PCDHGA11: variants seen among roughly 807,000 people sequenced by gnomAD.
PCDHGA11 encodes the protein protocadherin gamma-A11.
A neutral mutation model predicts 60.4 loss-of-function variants in PCDHGA11; 39 were observed. The observed-to-expected ratio is 0.65, with a 90% CI of 0.50 to 0.84. The LOEUF (loss-of-function observed/expected upper bound fraction) is 0.84. PCDHGA11 is among the 40% of genes least tolerant of loss of function. The probability of loss-of-function intolerance (pLI) is 0.00; values close to 1 mark genes in which losing one functional copy is unlikely to be tolerated. For synonymous variants in PCDHGA11, 533 were observed against 510.3 expected (o/e 1.04, Z -0.60); for missense variants, 1,165 against 1,197.7 (o/e 0.97, Z 0.40).
intron 1 of PCDHGA11, chr5:141,428,086 G>C: frequency 1.9e-6 from 3 of 1,609,122 alleles, no homozygotes; most frequent in Non-Finnish European, 1.7e-6. Context: ...CACAACGCTT[G>C]GCTGTCCTAC....
intron 1 of PCDHGA11, chr5:141,441,780 C>A: frequency 2.6e-6 from 1 of 391,236 alleles, no homozygotes. Flanking sequence ...GGTGGACGAC[C>A]TGAATGACAA....
rs774983500 is a variant in PCDHGA11 at position 141,490,973 on chromosome 5, G to T, written c.2434-3834G>T. ...GACTGGGAACACTCAGCCCCCCAGC[G>T]TCTCCCTCGCTCTGCTCCTCCTGGC... On this transcript the variant is annotated intron_variant, in intron 1 of 3. Transcript: ENST00000398587. The surrounding 1 kb of genome is among the most constrained non-coding windows in gnomAD (Gnocchi z 5.4). 1 of 1,613,932 alleles carries T rather than the reference G, an allele frequency of 6.2e-7. No individual in the cohort carries two copies. The highest frequency in any genetic ancestry group is 1.3e-5 in the African/African-American group (1 of 75,040).
intron 1 of PCDHGA11, chr5:141,424,304 C>T (rs909355692): frequency 2.0e-5 from 3 of 152,464 alleles, no homozygotes; most frequent in Admixed American, 2.0e-4. Flanking sequence ...CCTATCAACA[C>T]AGACATATTG....
At position 141,433,290 on chromosome 5, in the gene PCDHGA11, C is replaced by T. The variant is rs186668064; in HGVS notation, c.2433+9630C>T. ...CTCACTGCAGCCTCAAACTCCTAGG[C>T]TCAAGCAATTATCCCACCTTTGCCT... On this transcript the variant is annotated intron_variant, in intron 1 of 3. Transcript: ENST00000398587. The T allele has an allele frequency of 1.6e-3, 1,738 of 1,107,746 alleles. 60 individuals carry two copies. In the Admixed American group the frequency reaches 0.041, roughly 26 times the overall value. 68.6% of individuals were successfully genotyped at this position (1,107,746 alleles called of 1,614,324 possible). A position where few individuals can be genotyped will look rare whatever the true frequency, so the allele number is the denominator to read the frequency against.
chr5:141,427,199 A>G (rs900332017), intron 1 of PCDHGA11: 5 of 456,766 alleles, frequency 1.1e-5, no homozygotes, highest in Non-Finnish European at 2.2e-5. Context: ...AAGACTTAAT[A>G]GACTTCGAAT....
chr5:141,445,621 G>A (rs1216813961), intron 1 of PCDHGA11, among the ~76,000 whole-genome samples: 4 of 151,996 alleles, frequency 2.6e-5, no homozygotes, highest in African/African-American at 7.2e-5. Flanking sequence ...TCTTTTTTTC[G>A]GAAAGTGATA....
chr5:141,426,909 G>A (rs1293364217), intron 1 of PCDHGA11: 1 of 456,744 alleles, frequency 2.2e-6, no homozygotes, highest in Non-Finnish European at 4.4e-6. Flanking sequence ...TCATCTCCTG[G>A]TCCTGGAAGC....
chr5:141,462,393 C>A (rs1465154354), intron 1 of PCDHGA11, among the ~76,000 whole-genome samples: 4 of 152,062 alleles, frequency 2.6e-5, no homozygotes, highest in African/African-American at 9.7e-5. Flanking sequence ...GTTAACATTT[C>A]TTTTATGGCA....
chr5:141,437,388 C>T (rs1434464979), intron 1 of PCDHGA11, among the ~76,000 whole-genome samples: 1 of 152,186 alleles, frequency 6.6e-6, no homozygotes, highest in Non-Finnish European at 1.5e-5. Context: ...AGACATTCAT[C>T]CACTGCTTTC....
In PCDHGA11 at chr5:141,490,490, C is replaced by A. The variant is rs886264588; in HGVS notation, c.2434-4317C>A. The A allele has an allele frequency of 1.2e-6, 2 of 1,614,184 alleles. No individual in the cohort carries two copies. Among genetic ancestry groups the A allele is most frequent in the Non-Finnish European group, 1.7e-6 (2 of 1,180,028 alleles). ...AGCCAGCCTTTGGACCGGGAGGCCA[C>A]ATCCCACTATATCATCGAGCTGCTG... On this transcript the variant is annotated intron_variant, in intron 1 of 3. Transcript: ENST00000398587. The surrounding 1 kb of genome is among the most constrained non-coding windows in gnomAD (Gnocchi z 5.4).
At chr5:141,455,160 GT>G (rs59530096) in intron 1 of PCDHGA11, among the ~76,000 whole-genome samples, 102 of 149,212 alleles carry the variant, frequency 6.8e-4, no homozygotes, top group East Asian at 7.9e-4. Flanking sequence ...TAGTTTGTTG[GT>G]TTTTTTTTTA....
intron 1 of PCDHGA11, among the ~76,000 whole-genome samples, chr5:141,445,318 G>T (rs182520609): frequency 2.0e-4 from 30 of 152,306 alleles, no homozygotes; most frequent in African/African-American, 7.2e-4. Context: ...TAGGTTGAGA[G>T]AACCCATCCA....
chr5:141,436,635 A>G (rs953396225), intron 1 of PCDHGA11, among the ~76,000 whole-genome samples: 8 of 152,184 alleles, frequency 5.3e-5, no homozygotes, highest in African/African-American at 1.9e-4. Context: ...ACAACATGCA[A>G]TTAATTAACA....
At chr5:141,502,480 AC>A (rs145333712) in intron 2 of PCDHGA11, among the ~76,000 whole-genome samples, 7,822 of 152,242 alleles carry the variant, frequency 0.051, 439 homozygotes, top group African/African-American at 0.14. Flanking sequence ...GCAGCATCAC[AC>A]TGGGACTCAT....
In PCDHGA11 at chr5:141,432,598, G is replaced by A; in HGVS notation, c.2433+8938G>A. The A allele has an allele frequency of 6.2e-7, 1 of 1,613,920 alleles. No individual in the cohort carries two copies. The highest frequency in any genetic ancestry group is 8.5e-7 in the Non-Finnish European group (1 of 1,179,972). On this transcript the variant is annotated intron_variant, in intron 1 of 3. Transcript: ENST00000398587. The surrounding 1 kb of genome is among the most constrained non-coding windows in gnomAD (Gnocchi z 6.0). ...CCTACCGTCTGCTCAAGGCCAGCGA[G>A]CCGGGACTCTTCTCGGTGGGTCTGC...
In PCDHGA11 at chr5:141,486,077, C is replaced by T; in HGVS notation, c.2434-8730C>T. 6.2e-7 allele frequency: 1 copy of T among 1,614,186 alleles called. No individual in the cohort carries two copies. The highest frequency in any genetic ancestry group is 8.5e-7 in the Non-Finnish European group (1 of 1,180,024). ...TAGCCTGCACCCCACTACTGGAAAG[C>T]TTACTCTTTTGGGGCCCCTAGACTT... On this transcript the variant is annotated intron_variant, in intron 1 of 3. Coordinates refer to ENST00000398587, the MANE Select transcript of PCDHGA11 (RefSeq NM_018914.3). The surrounding 1 kb of genome is among the most constrained non-coding windows in gnomAD (Gnocchi z 5.0).
At position 141,507,794 on chromosome 5, in the gene PCDHGA11, C is replaced by CT. The variant is rs576191739; in HGVS notation, c.2581+2314dup. On this transcript the variant is annotated intron_variant, in intron 3 of 3. Coordinates refer to ENST00000398587, the MANE Select transcript of PCDHGA11 (RefSeq NM_018914.3). ...CACAGGGCCTGACCCTCGTCTAAGC[C>CT]TGCGCCCTGGGGAACGGACCCTGGG... 7.9e-4 allele frequency among the ~76,000 whole-genome samples: 120 copies of CT among 152,356 alleles called. 2 individuals carry two copies. The highest frequency in any genetic ancestry group is 2.8e-3 in the African/African-American group (115 of 41,592).
In PCDHGA11 at chr5:141,503,243, C is replaced by T. The variant is rs146741382; in HGVS notation, c.2493-2150C>T. Among the ~76,000 whole-genome samples the T allele has an allele frequency of 3.1e-4, 47 of 152,198 alleles. No individual in the cohort carries two copies. The East Asian group carries it at 8.9e-3, about 29-fold the overall frequency. ...CACCGTAAAGATGGACAGTTTCTAT[C>T]ATACTCACAGCCACAACCCCAGCAC... On this transcript the variant is annotated intron_variant, in intron 2 of 3. Coordinates refer to ENST00000398587, the MANE Select transcript of PCDHGA11 (RefSeq NM_018914.3).
chr5:141,475,384 A>T (rs2099362853), intron 1 of PCDHGA11, among the ~76,000 whole-genome samples: 1 of 152,370 alleles, frequency 6.6e-6, no homozygotes, highest in East Asian at 1.9e-4. Flanking sequence ...TTTAAATTTT[A>T]TAAGCCAGAG....
Sources: gnomAD v4.1 joint callset for allele counts (sites outside exome capture counted in the v4.1 genomes callset) on GRCh38, gnomAD v4.1.1 for gene constraint, Gnocchi (gnomAD v3.1) non-coding constraint, MANE v1.5 for transcripts, NCBI Gene and HGNC (gene_info 2026-07-23, HGNC 2026-07-21) for gene names.